CENPS: variants seen among roughly 807,000 people sequenced by gnomAD.
CENPS encodes centromere protein S.
Under a neutral mutation model 17.9 loss-of-function variants are expected in CENPS, and 16 were observed. That is an observed-to-expected ratio of 0.90 (90% confidence interval 0.61 to 1.36). CENPS has a LOEUF of 1.36. Ranked by LOEUF, CENPS falls within the 40% of genes most tolerant of loss-of-function variation. CENPS has a pLI of 0.00. For synonymous variants in CENPS, 49 were observed against 55.8 expected (o/e 0.88, Z 0.54); for missense variants, 160 against 158.6 (o/e 1.01, Z -0.05).
intron 1 of CENPS, among the ~76,000 whole-genome samples, chr1:10,433,115 C>T (rs1046243587): frequency 2.6e-5 from 4 of 152,114 alleles, no homozygotes; most frequent in Non-Finnish European, 5.9e-5. Context: ...GGCCCCGAGG[C>T]GGAGTACCCA....
intron 1 of CENPS, chr1:10,431,254 G>A: frequency 6.5e-7 from 1 of 1,534,522 alleles, no homozygotes; most frequent in Middle Eastern, 1.7e-4. Context: ...ACCCGGAGTG[G>A]CGACCTTAAA....
intron 3 of CENPS, among the ~76,000 whole-genome samples, chr1:10,437,012 A>G (rs1312981725): frequency 6.6e-6 from 1 of 151,978 alleles, no homozygotes; most frequent in Non-Finnish European, 1.5e-5. Context: ...ACACTTCTCT[A>G]CTCCCAAGAC....
chr1:10,437,076 CA>C (rs1227460838), intron 3 of CENPS, among the ~76,000 whole-genome samples: 39 of 152,238 alleles, frequency 2.6e-4, no homozygotes, highest in Non-Finnish European at 5.1e-4. Flanking sequence ...CTATATGTTA[CA>C]TAGTCTCTGT....
At chr1:10,432,508 C>G (rs1190071286) in intron 1 of CENPS, among the ~76,000 whole-genome samples, 1 of 152,178 alleles carries the variant, frequency 6.6e-6, no homozygotes, top group Non-Finnish European at 1.5e-5. Context: ...CGATTTCCCC[C>G]CATTCATGTA....
intron 3 of CENPS, among the ~76,000 whole-genome samples, chr1:10,435,898 A>G (rs1007808027): frequency 1.3e-5 from 2 of 151,718 alleles, no homozygotes; most frequent in East Asian, 2.0e-4. Context: ...TAAAAATTCT[A>G]TTTAAAAAAT....
chr1:10,434,936 A>G (rs1182277983), intron 3 of CENPS, among the ~76,000 whole-genome samples: 3 of 152,174 alleles, frequency 2.0e-5, no homozygotes, highest in Non-Finnish European at 4.4e-5. Context: ...TTCAGTCCCA[A>G]GTGAAAAAGG....
intron 1 of CENPS, chr1:10,431,355 C>T (rs1639905065): frequency 6.5e-7 from 1 of 1,535,246 alleles, no homozygotes; most frequent in Non-Finnish European, 8.7e-7. Flanking sequence ...TACCCTGCCC[C>T]TTGTCTTTTG....
intron 3 of CENPS, among the ~76,000 whole-genome samples, chr1:10,436,660 C>G (rs35138970): frequency 0.31 from 45,418 of 147,896 alleles, 8,132 homozygotes; most frequent in South Asian, 0.41. Context: ...GAGTCGAGAT[C>G]GTGCCCCTTC....
In CENPS at chr1:10,430,442, CG is replaced by C; in HGVS notation, c.-73del. On this transcript the variant is annotated 5_prime_UTR_variant, in exon 1 of 5. Transcript: ENST00000309048. ...GCGCGGCCCGTCGCTCGCGCCGCGG[CG>C]GGAAAATCCGACCTGGCCGCGCACC... is the stretch of plus-strand genomic sequence containing the variant. 1 of 1,517,164 alleles carries C rather than the reference CG, an allele frequency of 6.6e-7. No individual in the cohort carries two copies. Among genetic ancestry groups the C allele is most frequent in the Non-Finnish European group, 8.8e-7 (1 of 1,133,580 alleles). 94.0% of individuals were successfully genotyped at this position (1,517,164 alleles called of 1,614,324 possible).
At chr1:10,435,267 A>G (rs1396804871) in intron 3 of CENPS, among the ~76,000 whole-genome samples, 3 of 152,196 alleles carry the variant, frequency 2.0e-5, no homozygotes, top group African/African-American at 7.2e-5. Context: ...ATTGAAAACA[A>G]TTGCACCAAA....
At chr1:10,430,656 C>A in intron 1 of CENPS, 88 bp downstream of exon 1, 2 of 1,466,810 alleles carry the variant, frequency 1.4e-6, no homozygotes, top group East Asian at 2.8e-5. Context: ...CCGGCGGCTT[C>A]TCATCGGCAC....
intron 1 of CENPS, among the ~76,000 whole-genome samples, chr1:10,431,938 A>G (rs1203671372): frequency 6.6e-6 from 1 of 151,562 alleles, no homozygotes; most frequent in African/African-American, 2.4e-5. Flanking sequence ...TAATTTTGAT[A>G]AAACTCTATT....
At chr1:10,432,452 A>G (rs1639963561) in intron 1 of CENPS, among the ~76,000 whole-genome samples, 2 of 152,190 alleles carry the variant, frequency 1.3e-5, no homozygotes, top group African/African-American at 4.8e-5. Context: ...TGAAGCTGCA[A>G]AGATGGGCTG....
chr1:10,440,438 C>A, intron 4 of CENPS, 25 bp downstream of exon 4: 1 of 1,612,542 alleles, frequency 6.2e-7, no homozygotes, highest in Non-Finnish European at 8.5e-7. Flanking sequence ...TCTTTCCTCA[C>A]TCCCCTTTCC....
Position 10,432,124 on chromosome 1 carries a change from G to A in CENPS, c.51+1556G>A, listed in dbSNP as rs558849260. 3.3e-5 allele frequency among the ~76,000 whole-genome samples: 5 copies of A among 151,416 alleles called. No individual in the cohort carries two copies. In the South Asian group the frequency reaches 1.0e-3, roughly 32 times the overall value. ...TTTTTTGAAACGTAGTTTCACTCTTGTTGTCCAGGCTGGAGTGCAGTGGCT... is the reference window on the plus strand; with the variant it reads ...TTTTTTGAAACGTAGTTTCACTCTTATTGTCCAGGCTGGAGTGCAGTGGCT... On this transcript the variant is annotated intron_variant, in intron 1 of 4. Transcript: ENST00000309048.
intron 3 of CENPS, 99 bp downstream of exon 3, chr1:10,434,789 T>A: frequency 6.9e-7 from 1 of 1,444,656 alleles, no homozygotes; most frequent in East Asian, 2.6e-5. Context: ...CTATTCAGTT[T>A]TCCGTGTGTT....
Position 10,435,704 on chromosome 1 carries a change from T to TACACACAC in CENPS, c.209+1015_209+1016insCACACACA, listed in dbSNP as rs1245329164. Among the ~76,000 whole-genome samples the TACACACAC allele has an allele frequency of 3.0e-3, 426 of 143,618 alleles. 1 individual carries two copies. Among genetic ancestry groups the TACACACAC allele is most frequent in the South Asian group, 6.3e-3 (29 of 4,586 alleles). The allele number at this position is 143,618 out of a possible 152,430, so 94.2% of individuals were successfully genotyped here. A position where few individuals can be genotyped will look rare whatever the true frequency, so the allele number is the denominator to read the frequency against. ...GAAAAATTTAAATACTTAAAAATAA[T>TACACACAC]ATATATATATATACACACACACACA... On this transcript the variant is annotated intron_variant, in intron 3 of 4. Coordinates refer to ENST00000309048, the MANE Select transcript of CENPS (RefSeq NM_199294.3).
At chr1:10,432,809 C>T (rs1639981470) in intron 1 of CENPS, among the ~76,000 whole-genome samples, 1 of 152,120 alleles carries the variant, frequency 6.6e-6, no homozygotes, top group African/African-American at 2.4e-5. Context: ...GCAGGAGGTT[C>T]ACTTGAGCCC....
At position 10,433,929 on chromosome 1, in the gene CENPS, A is replaced by G. The variant is rs779042952; in HGVS notation, c.139A>G (p.Ile47Val). 11 of 1,614,106 alleles carry G rather than the reference A, an allele frequency of 6.8e-6. No individual in the cohort carries two copies. Among genetic ancestry groups the G allele is most frequent in the Middle Eastern group, 3.3e-4 (2 of 6,084 alleles). Reference sequence around the variant, plus strand: ...AGAGATGCAGTTCAGCAAACAGACCATTGCGGCCATTTCGGAGCTGACTTT... The same window carrying G: ...AGAGATGCAGTTCAGCAAACAGACCGTTGCGGCCATTTCGGAGCTGACTTT... ...DKEMQFSKQTIAAISELTFRQ... is the reference protein window; with the variant it reads ...DKEMQFSKQTVAAISELTFRQ... The change falls in exon 2 of 5, where the codon ATT becomes GTT. Residue 47 changes from isoleucine (I) to valine (V), a missense_variant. Ile to Val is a conservative substitution (Grantham distance 29). Coordinates refer to ENST00000309048, the MANE Select transcript of CENPS (RefSeq NM_199294.3).
Sources: allele counts gnomAD v4.1 joint callset (sites outside exome capture counted in the v4.1 genomes callset), GRCh38; gene constraint gnomAD v4.1.1; transcripts MANE v1.5; gene names NCBI Gene and HGNC (gene_info 2026-07-23, HGNC 2026-07-21).